The following CAGE1 variants were observed in gnomAD, a reference collection of about 807,000 sequenced individuals.
The protein encoded by CAGE1 is cancer-associated gene 1 protein.
CAGE1 carries 66 observed loss-of-function variants against 94.9 expected under a neutral mutation model. The observed-to-expected ratio is 0.70, with a 90% CI of 0.57 to 0.85. The LOEUF is 0.85. Among genes scored for constraint, CAGE1 ranks in the 40% least tolerant of loss-of-function variants. The probability of loss-of-function intolerance (pLI) is 0.00; values close to 1 mark genes in which losing one functional copy is unlikely to be tolerated. For synonymous variants in CAGE1, 319 were observed against 321.0 expected (o/e 0.99, Z 0.07); for missense variants, 865 against 950.4 (o/e 0.91, Z 1.18).
chr6:7,359,155 T>C (rs886359823), intron 9 of CAGE1, among the ~76,000 whole-genome samples: 2 of 152,168 alleles, frequency 1.3e-5, no homozygotes, highest in East Asian at 3.9e-4. Flanking sequence ...CAAGTGATTC[T>C]CCTGCCTTGG....
At chr6:7,342,154 G>A (rs1759202596) in intron 11 of CAGE1, 1 of 1,016,422 alleles carries the variant, frequency 9.8e-7, no homozygotes, top group Admixed American at 1.7e-5. Context: ...TTGGGGAACT[G>A]GATCAGGCTG....
At chr6:7,345,176 A>C (rs1171741782) in intron 11 of CAGE1, among the ~76,000 whole-genome samples, 1 of 140,360 alleles carries the variant, frequency 7.1e-6, no homozygotes, top group East Asian at 2.1e-4. Context: ...GAGCTATGAC[A>C]CTCCTTGTGA....
intron 4 of CAGE1, among the ~76,000 whole-genome samples, chr6:7,375,506 G>A (rs1350749458): frequency 6.6e-6 from 1 of 152,202 alleles, no homozygotes; most frequent in African/African-American, 2.4e-5. Context: ...GGAGCCCAAG[G>A]TGAGAGGATT....
chr6:7,343,203 GAAAA>G (rs1759258146), intron 11 of CAGE1, among the ~76,000 whole-genome samples: 1 of 74,224 alleles, frequency 1.3e-5, no homozygotes, highest in South Asian at 4.4e-4. Context: ...AAAAAAAAAA[GAAAA>G]GAAAAGAAAA....
At chr6:7,338,857 G>T (rs1226463248) in intron 11 of CAGE1, 18 of 1,403,892 alleles carry the variant, frequency 1.3e-5, no homozygotes, top group Non-Finnish European at 1.7e-5. Flanking sequence ...TGGTGACTGA[G>T]GGCACGGCAG....
chr6:7,374,182 G>A, intron 4 of CAGE1, 51 bp from the exon 5 acceptor site: 1 of 1,452,430 alleles, frequency 6.9e-7, no homozygotes, highest in Non-Finnish European at 9.4e-7. Context: ...AAGATAATGA[G>A]CTTTCAAGTC....
At chr6:7,337,710 T>C (rs558109403) in intron 11 of CAGE1, among the ~76,000 whole-genome samples, 1 of 152,348 alleles carries the variant, frequency 6.6e-6, no homozygotes, top group African/African-American at 2.4e-5. Flanking sequence ...GTCTGTTCCA[T>C]TGATTTTTAT....
chr6:7,386,309 CACTG>C (rs1336803180), intron 2 of CAGE1, among the ~76,000 whole-genome samples: 3 of 152,282 alleles, frequency 2.0e-5, no homozygotes, highest in South Asian at 4.1e-4. Context: ...AATCAGATGT[CACTG>C]ACTATCAAAC....
rs773887819 is a variant in CAGE1, at chr6:7,333,642, C to CTATATATA, written c.2438+372_2438+379dup. Among the ~76,000 whole-genome samples the CTATATATA allele has an allele frequency of 4.9e-4, 60 of 121,488 alleles. 1 individual carries two copies. Among genetic ancestry groups the CTATATATA allele is most frequent in the Admixed American group, 1.1e-3 (14 of 12,186 alleles). 79.7% of individuals were successfully genotyped at this position (121,488 alleles called of 152,430 possible). ...ATTATCTAACTATCTATCTAACTAT[C>CTATATATA]TATATATATATATATATATATATAT... is the stretch of plus-strand genomic sequence containing the variant. On this transcript the variant is annotated intron_variant, in intron 12 of 13. Transcript: ENST00000502583.
intron 12 of CAGE1, among the ~76,000 whole-genome samples, chr6:7,330,670 A>G (rs1473249597): frequency 6.6e-6 from 1 of 152,184 alleles, no homozygotes; most frequent in African/African-American, 2.4e-5. Context: ...TGCCGAATAT[A>G]CTGAGATCAA....
chr6:7,389,698 A>G lies in CAGE1; in HGVS notation c.-520T>C, dbSNP rs1025166979. On this transcript the variant is annotated 5_prime_UTR_variant, in exon 1 of 14. Coordinates refer to ENST00000502583, the MANE Select transcript of CAGE1 (RefSeq NM_001170692.2). ...CTACTCAACACGCCTTCCTGAGAGC[A>G]CAGAACATCCACAGCCCTATACAGC... 6.6e-5 allele frequency: 32 copies of G among 487,380 alleles called. No homozygotes were observed. The South Asian group carries it at 6.8e-4, about 10-fold the overall frequency. 30.2% of individuals were successfully genotyped at this position (487,380 alleles called of 1,614,324 possible).
intron 12 of CAGE1, among the ~76,000 whole-genome samples, chr6:7,330,744 T>C (rs1758720951): frequency 6.6e-6 from 1 of 152,208 alleles, no homozygotes; most frequent in South Asian, 2.1e-4. Flanking sequence ...GTCTGGAGTT[T>C]TCTAACAAAT....
At chr6:7,347,506 G>GGGGA (rs1443553835) in intron 11 of CAGE1, 1 of 132,534 alleles carries the variant, frequency 7.5e-6, no homozygotes, top group African/African-American at 3.0e-5. Context: ...GCGAGGGTGG[G>GGGGA]GGGGGGGGTT....
intron 11 of CAGE1, among the ~76,000 whole-genome samples, chr6:7,352,303 AAACAAAAAAAAAC>A (rs1166580344): frequency 3.5e-4 from 39 of 110,054 alleles, no homozygotes; most frequent in African/African-American, 1.7e-3. Flanking sequence ...AAAAAAAAAA[AAACAAAAAAAAAC>A]AAAAAAAAAA....
At chr6:7,341,459 T>C in intron 11 of CAGE1, 2 of 1,098,304 alleles carry the variant, frequency 1.8e-6, no homozygotes, top group South Asian at 1.2e-5. Context: ...ATGTAGGTTA[T>C]ACCTCTTGGC....
intron 9 of CAGE1, among the ~76,000 whole-genome samples, chr6:7,360,315 G>A (rs557490673): frequency 6.2e-4 from 95 of 152,284 alleles, no homozygotes; most frequent in Middle Eastern, 3.4e-3. Context: ...CCTGTTATGA[G>A]GGTTACTGAG....
At chr6:7,367,294 T>G (rs1399069720) in intron 7 of CAGE1, among the ~76,000 whole-genome samples, 4 of 146,818 alleles carry the variant, frequency 2.7e-5, no homozygotes, top group African/African-American at 1.0e-4. Context: ...TTTTTTTTTT[T>G]GCTTTTTGTT....
chr6:7,374,593 A>G (rs1454674615), intron 4 of CAGE1, among the ~76,000 whole-genome samples: 1 of 151,830 alleles, frequency 6.6e-6, no homozygotes, highest in Non-Finnish European at 1.5e-5. Context: ...TAGGGGGGAA[A>G]GTTCTCTTCT....
chr6:7,378,527 C>T (rs933601818), intron 4 of CAGE1, 90 bp downstream of exon 4: 2 of 1,163,806 alleles, frequency 1.7e-6, no homozygotes, highest in African/African-American at 1.5e-5. Context: ...ACAATCGTAC[C>T]TCCTCTGCTT....
Sources: gnomAD v4.1 joint callset for allele counts (sites outside exome capture counted in the v4.1 genomes callset) on GRCh38, gnomAD v4.1.1 for gene constraint, MANE v1.5 for transcripts, NCBI Gene and HGNC (gene_info 2026-07-23, HGNC 2026-07-21) for gene names.